The following FAM222A variants were observed in gnomAD, a reference collection of about 807,000 sequenced individuals.
FAM222A encodes the protein family with sequence similarity 222 member A, also known as protein FAM222A.
In FAM222A, 7 loss-of-function variants were observed where a neutral mutation model predicts 25.8. That is an observed-to-expected ratio of 0.27 (90% confidence interval 0.15 to 0.51). The LOEUF (loss-of-function observed/expected upper bound fraction) is 0.51. Among genes scored for constraint, FAM222A ranks in the 20% least tolerant of loss-of-function variants. The probability of loss-of-function intolerance (pLI) is 0.97; values close to 1 mark genes in which losing one functional copy is unlikely to be tolerated. For synonymous variants in FAM222A, 294 were observed against 298.8 expected (o/e 0.98, Z 0.17); for missense variants, 573 against 640.5 (o/e 0.89, Z 1.14).
intron 1 of FAM222A, among the ~76,000 whole-genome samples, chr12:109,725,217 C>T (rs1011659144): frequency 9.9e-5 from 15 of 152,176 alleles, no homozygotes; most frequent in Admixed American, 6.5e-4. Flanking sequence ...ATTTGTGGGG[C>T]ACTTCCTACC....
intron 1 of FAM222A, among the ~76,000 whole-genome samples, chr12:109,727,052 G>A (rs998338272): frequency 2.0e-5 from 3 of 152,128 alleles, no homozygotes; most frequent in Non-Finnish European, 4.4e-5. Flanking sequence ...CAGGTTCCTC[G>A]TTCCCAAGTC....
intron 1 of FAM222A, among the ~76,000 whole-genome samples, chr12:109,728,390 T>G (rs1174462218): frequency 6.6e-6 from 1 of 152,162 alleles, no homozygotes; most frequent in Admixed American, 6.5e-5. Context: ...GGCCCAGCCC[T>G]TAGTCTCTTC....
intron 2 of FAM222A, among the ~76,000 whole-genome samples, chr12:109,755,691 G>A (rs553901215): frequency 3.3e-4 from 51 of 152,280 alleles, no homozygotes; most frequent in African/African-American, 1.2e-3. Context: ...TCATTCTTTT[G>A]CATATCGATA....
At chr12:109,741,749 T>G (rs532428026) in intron 1 of FAM222A, among the ~76,000 whole-genome samples, 1 of 152,020 alleles carries the variant, frequency 6.6e-6, no homozygotes, top group African/African-American at 2.4e-5. Flanking sequence ...CCAGAGAGGG[T>G]CATTAACCCA....
intron 2 of FAM222A, among the ~76,000 whole-genome samples, chr12:109,767,062 C>CTTTTTTTT (rs757766627): frequency 1.6e-4 from 15 of 93,064 alleles, no homozygotes; most frequent in African/African-American, 1.7e-4. Context: ...TGCTTGGCTT[C>CTTTTTTTT]TTTTTTTTTT....
At chr12:109,729,696 C>T (rs889363563) in intron 1 of FAM222A, among the ~76,000 whole-genome samples, 7 of 152,258 alleles carry the variant, frequency 4.6e-5, no homozygotes, top group Non-Finnish European at 1.0e-4. Flanking sequence ...GAGACGGCGC[C>T]GCCACCCCCG....
chr12:109,723,899 A>G (rs1887795600), intron 1 of FAM222A, among the ~76,000 whole-genome samples: 1 of 152,204 alleles, frequency 6.6e-6, no homozygotes, highest in Non-Finnish European at 1.5e-5. Context: ...GTTTTTACGG[A>G]TCATGGGCCC....
intron 1 of FAM222A, among the ~76,000 whole-genome samples, chr12:109,723,059 C>T (rs925887145): frequency 2.6e-5 from 4 of 151,794 alleles, no homozygotes; most frequent in East Asian, 3.9e-4. Flanking sequence ...CAATTATTAG[C>T]GATCTCAGGA....
intron 2 of FAM222A, among the ~76,000 whole-genome samples, chr12:109,747,311 C>A (rs1888429801): frequency 6.6e-6 from 1 of 152,062 alleles, no homozygotes; most frequent in Non-Finnish European, 1.5e-5. Context: ...GCCAGGCTGG[C>A]CTTGAACTCC....
chr12:109,729,177 G>C (rs1477336301), intron 1 of FAM222A, among the ~76,000 whole-genome samples: 1 of 152,178 alleles, frequency 6.6e-6, no homozygotes, highest in African/African-American at 2.4e-5. Context: ...GCACTGCCAG[G>C]TTTGGGTTTT....
At chr12:109,743,249 G>T (rs1389492728) in intron 1 of FAM222A, among the ~76,000 whole-genome samples, 3 of 152,178 alleles carry the variant, frequency 2.0e-5, no homozygotes, top group Non-Finnish European at 4.4e-5. Flanking sequence ...GCCAGTCAGG[G>T]GCTTTGGGCT....
chr12:109,751,156 C>G (rs1218098695), intron 2 of FAM222A, among the ~76,000 whole-genome samples: 1 of 151,998 alleles, frequency 6.6e-6, no homozygotes, highest in East Asian at 1.9e-4. Context: ...ACTTTTTTTC[C>G]CTATGTTTTC....
chr12:109,732,684 G>A (rs1232456429), intron 1 of FAM222A, among the ~76,000 whole-genome samples: 1 of 151,978 alleles, frequency 6.6e-6, no homozygotes, highest in Non-Finnish European at 1.5e-5. Context: ...AGGAGGGGAG[G>A]TGGGTGGGGG....
chr12:109,755,390 G>A (rs777411412), intron 2 of FAM222A, among the ~76,000 whole-genome samples: 14 of 129,120 alleles, frequency 1.1e-4, no homozygotes, highest in Admixed American at 4.6e-4. Context: ...TCGGCTCACC[G>A]CAATCTCGGC....
At chr12:109,758,295 T>C (rs778164987) in intron 2 of FAM222A, among the ~76,000 whole-genome samples, 1 of 152,178 alleles carries the variant, frequency 6.6e-6, no homozygotes, top group Non-Finnish European at 1.5e-5. Context: ...CACTGCCAGT[T>C]CCAGCCCAGA....
At chr12:109,745,998 A>G (rs931330344) in intron 2 of FAM222A, among the ~76,000 whole-genome samples, 1 of 151,810 alleles carries the variant, frequency 6.6e-6, no homozygotes, top group African/African-American at 2.4e-5. Flanking sequence ...TGTCTGTGCT[A>G]TGAATTGAAG....
At chr12:109,743,372 A>G (rs942172739) in intron 1 of FAM222A, among the ~76,000 whole-genome samples, 7 of 152,216 alleles carry the variant, frequency 4.6e-5, no homozygotes, top group Admixed American at 3.9e-4. Flanking sequence ...GGAAGGTACC[A>G]CACGGGCCTG....
At chr12:109,738,374 A>G (rs1025796854) in intron 1 of FAM222A, among the ~76,000 whole-genome samples, 1 of 152,170 alleles carries the variant, frequency 6.6e-6, no homozygotes, top group African/African-American at 2.4e-5. Context: ...TCCAGCATTC[A>G]TTCTCTTCCC....
chr12:109,724,271 A>G (rs1887802496), intron 1 of FAM222A, among the ~76,000 whole-genome samples: 1 of 152,230 alleles, frequency 6.6e-6, no homozygotes, highest in Admixed American at 6.5e-5. Context: ...GGCTGACACT[A>G]TGCATGGCCT....
Sources: gnomAD v4.1 joint callset for allele counts (sites outside exome capture counted in the v4.1 genomes callset) on GRCh38, gnomAD v4.1.1 for gene constraint, MANE v1.5 for transcripts, NCBI Gene and HGNC (gene_info 2026-07-23, HGNC 2026-07-21) for gene names.